The following SNTG1 variants were observed in gnomAD, a reference collection of about 807,000 sequenced individuals.
SNTG1 encodes the protein gamma-1-syntrophin.
Under a neutral mutation model 74.7 loss-of-function variants are expected in SNTG1, and 39 were observed. The observed-to-expected ratio is 0.52, with a 90% CI of 0.40 to 0.68. SNTG1 has a LOEUF of 0.68. SNTG1 is among the 30% of genes least tolerant of loss of function. SNTG1 has a pLI of 0.00. For missense variants in SNTG1, 685 were observed against 609.5 expected (o/e 1.12, Z -1.30); for synonymous variants, 254 against 217.1 (o/e 1.17, Z -1.49).
intron 18 of SNTG1, among the ~76,000 whole-genome samples, chr8:50,771,760 G>A (rs1318373423): frequency 6.6e-6 from 1 of 152,002 alleles, no homozygotes; most frequent in Non-Finnish European, 1.5e-5. Flanking sequence ...TGGTTTTGGG[G>A]GACAGGCCTA....
chr8:50,601,724 A>C (rs1162124344), intron 13 of SNTG1, among the ~76,000 whole-genome samples: 1 of 152,124 alleles, frequency 6.6e-6, no homozygotes. Context: ...TTGGGTGTTG[A>C]AGTGTGTAGC....
chr8:49,940,181 T>C (rs191139040), intron 1 of SNTG1, among the ~76,000 whole-genome samples: 1 of 152,090 alleles, frequency 6.6e-6, no homozygotes, highest in Non-Finnish European at 1.5e-5. Context: ...CCAAATGCCC[T>C]GAAAGACCTG....
chr8:50,417,787 A>G (rs75426718), intron 4 of SNTG1, among the ~76,000 whole-genome samples: 7,121 of 152,172 alleles, frequency 0.047, 216 homozygotes, highest in Middle Eastern at 0.095. Flanking sequence ...ATTTATATCT[A>G]CCTTCCTGGA....
At chr8:49,977,006 A>G (rs970380723) in intron 1 of SNTG1, among the ~76,000 whole-genome samples, 2 of 152,174 alleles carry the variant, frequency 1.3e-5, no homozygotes, top group Non-Finnish European at 2.9e-5. Flanking sequence ...TGAGAAAAAA[A>G]TGGATATATT....
chr8:50,665,938 G>T (rs1482243145), intron 15 of SNTG1, among the ~76,000 whole-genome samples: 1 of 152,148 alleles, frequency 6.6e-6, no homozygotes, highest in African/African-American at 2.4e-5. Flanking sequence ...GAGCACAAAA[G>T]TGACAGCATT....
chr8:50,581,021 G>C (rs1349417114), intron 12 of SNTG1, among the ~76,000 whole-genome samples: 1 of 152,194 alleles, frequency 6.6e-6, no homozygotes, highest in Non-Finnish European at 1.5e-5. Flanking sequence ...GTAATGGACA[G>C]TGTGTAATTA....
intron 4 of SNTG1, among the ~76,000 whole-genome samples, chr8:50,427,599 T>A (rs1295374820): frequency 6.6e-6 from 1 of 152,082 alleles, no homozygotes; most frequent in Non-Finnish European, 1.5e-5. Flanking sequence ...CTAAGCTTTT[T>A]TATCTTTTGT....
intron 2 of SNTG1, among the ~76,000 whole-genome samples, chr8:50,228,936 A>T (rs2085477204): frequency 6.6e-6 from 1 of 151,756 alleles, no homozygotes; most frequent in Admixed American, 6.6e-5. Context: ...AATAGTAACA[A>T]TTATAAAGTG....
Position 50,101,644 on chromosome 8 carries a change from G to C in SNTG1, c.-102-70917G>C, listed in dbSNP as rs987536081. On this transcript the variant is annotated intron_variant, in intron 1 of 18. Transcript: ENST00000642720. Reference sequence around the variant, plus strand: ...ACATATGTATACATGTGCCATGCTGGTGTGCTGCACACATTAACTCGTCAT... The same window carrying C: ...ACATATGTATACATGTGCCATGCTGCTGTGCTGCACACATTAACTCGTCAT... Among the ~76,000 whole-genome samples, 11 of 152,056 alleles carry C rather than the reference G, an allele frequency of 7.2e-5. 1 individual carries two copies. Among genetic ancestry groups the C allele is most frequent in the African/African-American group, 2.4e-4 (10 of 41,472 alleles).
At chr8:50,202,090 C>A (rs564521867) in intron 2 of SNTG1, among the ~76,000 whole-genome samples, 65 of 152,256 alleles carry the variant, frequency 4.3e-4, no homozygotes, top group African/African-American at 1.5e-3. Flanking sequence ...CTTAGGTCAG[C>A]ACCTTTTCTT....
At chr8:50,332,561 A>G (rs2091007185) in intron 2 of SNTG1, among the ~76,000 whole-genome samples, 1 of 152,178 alleles carries the variant, frequency 6.6e-6, no homozygotes. Context: ...ATAATGTTTG[A>G]CAACATCTGC....
chr8:50,215,728 T>A (rs1258167442), intron 2 of SNTG1, among the ~76,000 whole-genome samples: 2 of 152,056 alleles, frequency 1.3e-5, no homozygotes, highest in African/African-American at 2.4e-5. Context: ...CAGAGACATA[T>A]CTTCTGAGAC....
intron 8 of SNTG1, among the ~76,000 whole-genome samples, chr8:50,477,859 G>A (rs1301848752): frequency 2.0e-5 from 3 of 151,628 alleles, no homozygotes; most frequent in African/African-American, 7.3e-5. Context: ...TTCCTTTTTT[G>A]TTTACTTTTA....
At chr8:50,300,576 T>C (rs2089601340) in intron 2 of SNTG1, among the ~76,000 whole-genome samples, 1 of 152,034 alleles carries the variant, frequency 6.6e-6, no homozygotes, top group African/African-American at 2.4e-5. Flanking sequence ...CTTTTAGTGA[T>C]AGATTAAGTA....
At chr8:50,788,178 A>T (rs996554594) in intron 18 of SNTG1, among the ~76,000 whole-genome samples, 8 of 152,136 alleles carry the variant, frequency 5.3e-5, no homozygotes, top group African/African-American at 1.9e-4. Flanking sequence ...CTGCAAGGCC[A>T]TTAAGAATAT....
chr8:49,949,304 C>G (rs1809492601), intron 1 of SNTG1, among the ~76,000 whole-genome samples: 1 of 152,144 alleles, frequency 6.6e-6, no homozygotes, highest in Admixed American at 6.5e-5. Flanking sequence ...TGCTAGCAAA[C>G]TATTCTATTT....
At chr8:50,408,444 T>C (rs967786076) in intron 4 of SNTG1, among the ~76,000 whole-genome samples, 7 of 152,148 alleles carry the variant, frequency 4.6e-5, no homozygotes, top group African/African-American at 1.4e-4. Flanking sequence ...GCAAAAGTGG[T>C]TCCAAAAGCC....
At chr8:50,011,771 C>A (rs1815826281) in intron 1 of SNTG1, 1 of 152,136 alleles carries the variant, frequency 6.6e-6, no homozygotes. Flanking sequence ...CTTTATTTCT[C>A]ATAGTGAACA....
rs1349221717 is a variant in SNTG1, at chr8:50,091,246, A to G, written c.-102-81315A>G. Among the ~76,000 whole-genome samples, 3 of 152,142 alleles carry G rather than the reference A, an allele frequency of 2.0e-5. No individual in the cohort carries two copies. In the East Asian group the frequency reaches 5.8e-4, roughly 29 times the overall value. ...TAAAATGATTACTACAGTCAAGGAA[A>G]TTTACATAACGGTCTCGAATTTCTC... On this transcript the variant is annotated intron_variant, in intron 1 of 18. Transcript: ENST00000642720.
Sources: gnomAD v4.1 joint callset for allele counts (sites outside exome capture counted in the v4.1 genomes callset) on GRCh38, gnomAD v4.1.1 for gene constraint, MANE v1.5 for transcripts, NCBI Gene and HGNC (gene_info 2026-07-23, HGNC 2026-07-21) for gene names.